The following TMEM232 variants were observed in gnomAD, a reference collection of about 807,000 sequenced individuals.
TMEM232 encodes transmembrane protein 232.
A neutral mutation model predicts 78.8 loss-of-function variants in TMEM232; 80 were observed. The observed-to-expected ratio is 1.01, with a 90% confidence interval of 0.85 to 1.22. The LOEUF (loss-of-function observed/expected upper bound fraction) is 1.22. Among genes scored for constraint, TMEM232 ranks in the 50% most tolerant of loss-of-function variants. The probability of loss-of-function intolerance (pLI) is 0.00; values close to 1 mark genes in which losing one functional copy is unlikely to be tolerated. For synonymous variants in TMEM232, 297 were observed against 254.3 expected (o/e 1.17, Z -1.60); for missense variants, 881 against 742.2 (o/e 1.19, Z -2.17).
At chr5:110,655,440 A>G (rs1168271235) in intron 2 of TMEM232, among the ~76,000 whole-genome samples, 1 of 144,916 alleles carries the variant, frequency 6.9e-6, no homozygotes, top group Non-Finnish European at 1.5e-5. Context: ...AAATAGGAAC[A>G]CTTTTACACT....
In TMEM232 at chr5:110,619,423, T is replaced by C. The variant is rs534365091; in HGVS notation, c.769-861A>G. Among the ~76,000 whole-genome samples, 46 of 152,288 alleles carry C rather than the reference T, an allele frequency of 3.0e-4. 1 individual carries two copies. Among genetic ancestry groups the C allele is most frequent in the African/African-American group, 1.1e-3 (46 of 41,592 alleles). On this transcript the variant is annotated intron_variant, in intron 7 of 13. Transcript: ENST00000455884. ...TTTAAGTTTCTAATAAAGTGTTTAG[T>C]TAAGTCCCATAGTTGTGTATTTATC...
At chr5:110,512,502 C>T (rs1015075314) in intron 12 of TMEM232, among the ~76,000 whole-genome samples, 1 of 152,136 alleles carries the variant, frequency 6.6e-6, no homozygotes, top group African/African-American at 2.4e-5. Flanking sequence ...AACACATCAC[C>T]TCTATTAGGT....
chr5:110,613,806 T>C (rs1296123681), intron 8 of TMEM232, among the ~76,000 whole-genome samples: 1 of 152,130 alleles, frequency 6.6e-6, no homozygotes, highest in East Asian at 1.9e-4. Flanking sequence ...TATATTACAG[T>C]GTATATTGTT....
At chr5:110,651,660 A>G (rs1334324876) in intron 2 of TMEM232, among the ~76,000 whole-genome samples, 1 of 152,108 alleles carries the variant, frequency 6.6e-6, no homozygotes, top group Non-Finnish European at 1.5e-5. Flanking sequence ...TTAAAACATT[A>G]CTGAGACTGC....
intron 12 of TMEM232, among the ~76,000 whole-genome samples, chr5:110,519,326 T>C (rs1198086398): frequency 6.6e-6 from 1 of 152,090 alleles, no homozygotes; most frequent in African/African-American, 2.4e-5. Context: ...AATAAAAATT[T>C]GACAAAGAAT....
At chr5:110,600,806 T>C (rs1780788289) in intron 10 of TMEM232, among the ~76,000 whole-genome samples, 1 of 152,164 alleles carries the variant, frequency 6.6e-6, no homozygotes, top group South Asian at 2.1e-4. Context: ...CCCTAACATA[T>C]TTTATGAGGC....
At chr5:110,477,122 T>G (rs986682430) in intron 12 of TMEM232, among the ~76,000 whole-genome samples, 1 of 152,036 alleles carries the variant, frequency 6.6e-6, no homozygotes, top group African/African-American at 2.4e-5. Context: ...CATTGCTAAA[T>G]GAAACACATT....
chr5:110,602,004 C>CATCTG (rs1395685186), intron 10 of TMEM232, among the ~76,000 whole-genome samples: 6 of 152,100 alleles, frequency 3.9e-5, no homozygotes, highest in Non-Finnish European at 1.5e-5. Flanking sequence ...CACTTACAAT[C>CATCTG]ATCTGATCTT....
rs763870664 is a variant in TMEM232, at chr5:110,625,357, C to T, written c.678G>A (p.Ser226=). The part of the protein sequence containing the change: ...FSNVQFILKA[S]EIIGKRELRS... Reference sequence around the variant, plus strand: ...GGAGTTCTCTTTTACCTATAATTTCCGAGGCTTTCAGGATGAATTGCACAT... The same window carrying T: ...GGAGTTCTCTTTTACCTATAATTTCTGAGGCTTTCAGGATGAATTGCACAT... Residue 226 remains serine, a synonymous_variant, in exon 7 of 14, where the codon TCG becomes TCA. Transcript: ENST00000455884. The T allele has an allele frequency of 1.1e-5, 17 of 1,546,846 alleles. No homozygotes were observed. Among genetic ancestry groups the T allele is most frequent in the Admixed American group, 3.9e-5 (2 of 50,726 alleles).
chr5:110,623,735 T>C (rs770445832), intron 7 of TMEM232, among the ~76,000 whole-genome samples: 1 of 152,084 alleles, frequency 6.6e-6, no homozygotes, highest in Non-Finnish European at 1.5e-5. Flanking sequence ...ATATTTATAG[T>C]CTTTATATTA....
At chr5:110,529,628 A>C (rs1025833173) in intron 11 of TMEM232, among the ~76,000 whole-genome samples, 8 of 152,224 alleles carry the variant, frequency 5.3e-5, no homozygotes, top group Admixed American at 1.3e-4. Context: ...GACGATGTTT[A>C]AGATTTTGAT....
intron 12 of TMEM232, among the ~76,000 whole-genome samples, chr5:110,473,835 G>C (rs1320441979): frequency 9.0e-6 from 1 of 111,558 alleles, no homozygotes; most frequent in Non-Finnish European, 1.7e-5. Context: ...TCTATGATAT[G>C]CAATAACATA....
intron 1 of TMEM232, among the ~76,000 whole-genome samples, chr5:110,700,782 ATAGG>A (rs373133449): frequency 1.8e-3 from 228 of 126,626 alleles, no homozygotes; most frequent in Admixed American, 3.1e-3. Context: ...AGATAGATAG[ATAGG>A]TAGATAGATA....
intron 3 of TMEM232, among the ~76,000 whole-genome samples, chr5:110,395,912 A>G (rs910798817): frequency 4.6e-5 from 7 of 152,144 alleles, no homozygotes; most frequent in Non-Finnish European, 1.0e-4. Context: ...TGATGCAACT[A>G]TCTTACACTA....
intron 6 of TMEM232, among the ~76,000 whole-genome samples, chr5:110,627,535 T>C (rs1004678186): frequency 3.3e-5 from 5 of 151,842 alleles, no homozygotes; most frequent in South Asian, 2.1e-4. Context: ...TTTTTCAAAA[T>C]TGCCGGAAAA....
chr5:110,638,067 A>T, intron 5 of TMEM232, 131 bp downstream of exon 5: 1 of 705,104 alleles, frequency 1.4e-6, no homozygotes, highest in Non-Finnish European at 2.2e-6. Context: ...ATTAGAGAAG[A>T]TTAAACTACC....
chr5:110,689,582 C>T (rs556457217), intron 1 of TMEM232, among the ~76,000 whole-genome samples: 2 of 152,202 alleles, frequency 1.3e-5, no homozygotes, highest in East Asian at 3.9e-4. Flanking sequence ...AGATTCAATG[C>T]TATCCCCATC....
intron 12 of TMEM232, among the ~76,000 whole-genome samples, chr5:110,494,498 G>C (rs1765438597): frequency 6.6e-6 from 1 of 152,038 alleles, no homozygotes; most frequent in African/African-American, 2.4e-5. Flanking sequence ...ATGCTGATGA[G>C]AGTATAAATC....
At chr5:110,587,805 A>G (rs1779040658) in intron 10 of TMEM232, among the ~76,000 whole-genome samples, 1 of 149,358 alleles carries the variant, frequency 6.7e-6, no homozygotes, top group Admixed American at 6.8e-5. Flanking sequence ...CCTCAATAAA[A>G]TTATTTTAGG....
Sources: gnomAD v4.1 joint callset for allele counts (sites outside exome capture counted in the v4.1 genomes callset) on GRCh38, gnomAD v4.1.1 for gene constraint, MANE v1.5 for transcripts, NCBI Gene and HGNC (gene_info 2026-07-23, HGNC 2026-07-21) for gene names.